The following JMJD1C variants were observed in gnomAD, a reference collection of about 807,000 sequenced individuals.
The protein encoded by JMJD1C is jumonji domain containing 1C.
JMJD1C carries 31 observed loss-of-function variants against 245.3 expected under a neutral mutation model. The observed-to-expected ratio is 0.13, with a 90% CI of 0.09 to 0.17. JMJD1C has a LOEUF of 0.17. Ranked by LOEUF, JMJD1C falls within the 10% of genes least tolerant of loss-of-function variation. The probability of loss-of-function intolerance (pLI) is 1.00; values close to 1 mark genes in which losing one functional copy is unlikely to be tolerated. For missense variants in JMJD1C, 2,691 were observed against 3,000.2 expected, an observed-to-expected ratio of 0.90 and a Z score of 2.41; for synonymous variants, 1,057 against 1,017.4, an observed-to-expected ratio of 1.04 and a Z score of -0.74.
At chr10:63,456,364 C>T (rs750883838) in intron 1 of JMJD1C, among the ~76,000 whole-genome samples, 2 of 152,066 alleles carry the variant, frequency 1.3e-5, no homozygotes, top group Non-Finnish European at 2.9e-5. Flanking sequence ...AATTCTTATA[C>T]AAATATTTCT....
Position 63,465,867 on chromosome 10 carries a change from A to G in JMJD1C, c.-205T>C, listed in dbSNP as rs2133127143. On this transcript the variant is annotated 5_prime_UTR_variant, in exon 1 of 26. Transcript: ENST00000399262. ...CGCAAACACTCCTTTGGACTCCCAG[A>G]TTCGCAGCCTTGTGCTGCAGCGCCA... 1 of 690,690 alleles carries G rather than the reference A, an allele frequency of 1.4e-6. No individual in the cohort carries two copies. Among genetic ancestry groups the G allele is most frequent in the Admixed American group, 2.1e-5 (1 of 48,436 alleles). 42.8% of individuals were successfully genotyped at this position (690,690 alleles called of 1,614,324 possible).
At chr10:63,465,387 C>G (rs567004492) in intron 1 of JMJD1C, 108 bp downstream of exon 1, 4 of 1,177,446 alleles carry the variant, frequency 3.4e-6, no homozygotes, top group Middle Eastern at 2.9e-4. Flanking sequence ...GGGGCGTGAC[C>G]GCCAGTTGGC....
chr10:63,279,240 A>C (rs988916130), intron 2 of JMJD1C, among the ~76,000 whole-genome samples: 3 of 152,230 alleles, frequency 2.0e-5, no homozygotes, highest in Admixed American at 6.5e-5. Context: ...AAAGAGCAAA[A>C]ACGTGGTCTC....
At chr10:63,255,993 T>C (rs1293760180) in intron 3 of JMJD1C, among the ~76,000 whole-genome samples, 4 of 152,140 alleles carry the variant, frequency 2.6e-5, no homozygotes, top group Admixed American at 6.5e-5. Context: ...CCAGAAAATC[T>C]TTCTCAATGG....
intron 2 of JMJD1C, among the ~76,000 whole-genome samples, chr10:63,278,859 T>A (rs935954607): frequency 2.6e-4 from 35 of 136,854 alleles, no homozygotes; most frequent in African/African-American, 8.5e-4. Context: ...AAAAAAAAAA[T>A]AGTACTGTTA....
intron 2 of JMJD1C, among the ~76,000 whole-genome samples, chr10:63,327,474 A>C (rs1328242191): frequency 3.3e-5 from 5 of 152,210 alleles, no homozygotes; most frequent in Non-Finnish European, 7.3e-5. Flanking sequence ...TGCTGGCAGA[A>C]GAATAAATTT....
chr10:63,222,092 T>A, intron 3 of JMJD1C: 2 of 544,738 alleles, frequency 3.7e-6, no homozygotes, highest in Non-Finnish European at 6.8e-6. Flanking sequence ...TCTTTTAAAA[T>A]TTTTCTCACT....
At chr10:63,274,098 A>T (rs979480734) in intron 2 of JMJD1C, among the ~76,000 whole-genome samples, 8 of 152,194 alleles carry the variant, frequency 5.3e-5, no homozygotes, top group African/African-American at 1.7e-4. Context: ...TTTTAAAGAC[A>T]TATGGGTGGA....
At position 63,387,629 on chromosome 10, in the gene JMJD1C, ATTTTT is replaced by A. The variant is rs71025169; in HGVS notation, c.169-7152_169-7148del. On this transcript the variant is annotated intron_variant, in intron 1 of 25. Transcript: ENST00000399262. ...AGTCAGAAGAAAAAAGAAAAAAAAA[ATTTTT>A]TTTTTTTTTTTTTTTTTTTGAGACG... is the stretch of plus-strand genomic sequence containing the variant. Among the ~76,000 whole-genome samples, 12 of 37,866 alleles carry A rather than the reference ATTTTT, an allele frequency of 3.2e-4. 1 individual carries two copies. The highest frequency in any genetic ancestry group is 1.3e-3 in the African/African-American group (11 of 8,304). 24.8% of individuals were successfully genotyped at this position (37,866 alleles called of 152,430 possible).
chr10:63,328,319 T>C (rs891622231), intron 2 of JMJD1C, among the ~76,000 whole-genome samples: 1 of 151,682 alleles, frequency 6.6e-6, no homozygotes, highest in Non-Finnish European at 1.5e-5. Flanking sequence ...AAAAATGCTA[T>C]CCAATTTAGC....
intron 2 of JMJD1C, among the ~76,000 whole-genome samples, chr10:63,314,981 G>T (rs1178723282): frequency 2.7e-5 from 4 of 146,742 alleles, no homozygotes; most frequent in Non-Finnish European, 6.0e-5. Context: ...TTGAGACAGG[G>T]TCTCACTCTG....
intron 1 of JMJD1C, among the ~76,000 whole-genome samples, chr10:63,383,113 TGACTCTTA>T (rs1291437526): frequency 2.0e-5 from 3 of 152,076 alleles, no homozygotes; most frequent in Non-Finnish European, 2.9e-5. Context: ...AAAAATCTCC[TGACTCTTA>T]GACTCAATCA....
intron 3 of JMJD1C, among the ~76,000 whole-genome samples, chr10:63,232,735 G>T (rs964429688): frequency 1.3e-5 from 2 of 152,074 alleles, no homozygotes; most frequent in African/African-American, 4.8e-5. Flanking sequence ...TGGTAAAAGG[G>T]TTCTGAATTT....
At chr10:63,507,515 G>T (rs752278860) in intron 1 of JMJD1C, among the ~76,000 whole-genome samples, 1 of 151,852 alleles carries the variant, frequency 6.6e-6, no homozygotes, top group Non-Finnish European at 1.5e-5. Context: ...AGTGGTGGCA[G>T]ATGCCTGGAA....
intron 10 of JMJD1C, chr10:63,202,801 C>G (rs1475092608): frequency 1.0e-6 from 1 of 984,002 alleles, no homozygotes; most frequent in East Asian, 1.1e-4. Context: ...ATATTCAGAG[C>G]TTTTACAAGT....
intron 5 of JMJD1C, among the ~76,000 whole-genome samples, chr10:63,216,894 G>C (rs1461442085): frequency 1.3e-5 from 2 of 152,084 alleles, no homozygotes; most frequent in Non-Finnish European, 2.9e-5. Flanking sequence ...TGGAGGGACA[G>C]AAAAACTGAA....
chr10:63,171,112 G>A (rs1842308903), intron 24 of JMJD1C, among the ~76,000 whole-genome samples: 2 of 151,970 alleles, frequency 1.3e-5, no homozygotes, highest in African/African-American at 4.8e-5. Context: ...CTAAACTCAT[G>A]ATAAATGACC....
intron 2 of JMJD1C, among the ~76,000 whole-genome samples, chr10:63,284,843 C>T (rs1446567016): frequency 1.4e-5 from 2 of 147,472 alleles, no homozygotes; most frequent in Non-Finnish European, 3.0e-5. Context: ...ATGCCATTCC[C>T]TGGCAGGGAA....
At chr10:63,292,143 G>GTTTTTTTTTTTTTTTTTTTTTTTT (rs1396774570) in intron 2 of JMJD1C, among the ~76,000 whole-genome samples, 3 of 13,514 alleles carry the variant, frequency 2.2e-4, no homozygotes, top group Admixed American at 3.6e-4. Flanking sequence ...TGTAGAGACA[G>GTTTTTTTTTTTTTTTTTTTTTTTT]ATTTTTTTTT....
Sources: allele counts gnomAD v4.1 joint callset (sites outside exome capture counted in the v4.1 genomes callset), GRCh38; gene constraint gnomAD v4.1.1; transcripts MANE v1.5; gene names NCBI Gene and HGNC (gene_info 2026-07-23, HGNC 2026-07-21).